SFI1: variants seen among roughly 807,000 people sequenced by gnomAD.
The protein encoded by SFI1 is SFI1 centrin binding protein.
A neutral mutation model predicts 207.5 loss-of-function variants in SFI1; 195 were observed. The ratio of observed to expected loss-of-function variants is 0.94; its 90% CI spans 0.84 to 1.06. The LOEUF is 1.06. Among genes scored for constraint, SFI1 ranks in the 50% least tolerant of loss-of-function variants. The pLI is 0.00. For missense variants in SFI1, 1,634 were observed against 1,588.0 expected (o/e 1.03, Z -0.49); for synonymous variants, 630 against 598.9 (o/e 1.05, Z -0.76).
intron 19 of SFI1, 88 bp downstream of exon 19, chr22:31,604,492 C>T (rs767023927): frequency 2.0e-4 from 240 of 1,179,610 alleles, no homozygotes; most frequent in Middle Eastern, 2.9e-4. Flanking sequence ...TCTTCCTGTC[C>T]GTCCCAGAAC....
At chr22:31,602,823 C>T (rs1407017691) in intron 17 of SFI1, 38 bp downstream of exon 17, 2 of 1,598,718 alleles carry the variant, frequency 1.3e-6, no homozygotes, top group South Asian at 2.2e-5. Context: ...CTTTCCATCA[C>T]AGGCCAGCTT....
chr22:31,561,491 TGA>T (rs2061696242), intron 8 of SFI1, 99 bp downstream of exon 8: 6 of 982,618 alleles, frequency 6.1e-6, no homozygotes, highest in Admixed American at 4.9e-5. Flanking sequence ...GCTCAGGGCC[TGA>T]GAGGGGGTGG....
intron 6 of SFI1, among the ~76,000 whole-genome samples, chr22:31,553,366 G>T (rs2060797852): frequency 1.3e-5 from 2 of 150,880 alleles, no homozygotes; most frequent in African/African-American, 4.9e-5. Context: ...TGGTTGGTTT[G>T]GTTTTTTTTG....
intron 21 of SFI1, among the ~76,000 whole-genome samples, chr22:31,607,331 A>G (rs546337943): frequency 2.0e-5 from 3 of 152,144 alleles, no homozygotes; most frequent in Non-Finnish European, 2.9e-5. Flanking sequence ...GGCCGGGCGC[A>G]GTGGCTCACA....
rs543821936 is a variant in SFI1, at chr22:31,532,178, A to G, written c.338+1049A>G. On this transcript the variant is annotated intron_variant, in intron 4 of 32. Transcript: ENST00000400288. ...CCAAGAGAAGTAATTGAGCTCTTTC[A>G]GGGCACTGGTGAGACTGACAGATTG... Among the ~76,000 whole-genome samples the G allele has an allele frequency of 3.0e-4, 46 of 152,344 alleles. No individual in the cohort carries two copies. The South Asian group carries it at 9.5e-3, about 32-fold the overall frequency.
intron 2 of SFI1, among the ~76,000 whole-genome samples, chr22:31,510,591 G>A (rs1195342206): frequency 2.0e-5 from 3 of 151,778 alleles, no homozygotes; most frequent in Non-Finnish European, 2.9e-5. Flanking sequence ...ATGCCACCAC[G>A]CCTGGCTAAT....
At chr22:31,520,023 C>G (rs1294159272) in intron 2 of SFI1, among the ~76,000 whole-genome samples, 4 of 151,788 alleles carry the variant, frequency 2.6e-5, no homozygotes, top group Admixed American at 1.3e-4. Flanking sequence ...GCCTCAGCCT[C>G]CCAAAGTGCT....
chr22:31,601,501 G>T (rs2068096110), intron 15 of SFI1, among the ~76,000 whole-genome samples: 1 of 152,194 alleles, frequency 6.6e-6, no homozygotes, highest in South Asian at 2.1e-4. Context: ...GACTTGCTCA[G>T]TCAGCCTTAG....
Position 31,613,130 on chromosome 22 carries a change from T to C in SFI1, c.2491-12T>C. On this transcript the variant is annotated splice_polypyrimidine_tract_variant and intron_variant, in intron 24 of 32. Transcript: ENST00000400288. The stretch of plus-strand genomic sequence containing the variant: ...GGGCTATAGGGAAATGATCTGGTCT[T>C]TCTGGCCCTAGCTGGCAGCCAGGAG... The C allele has an allele frequency of 6.2e-7, 1 of 1,612,720 alleles. No individual in the cohort carries two copies. Among genetic ancestry groups the C allele is most frequent in the South Asian group, 1.1e-5 (1 of 91,030 alleles).
At chr22:31,520,578 G>A (rs1004916731) in intron 2 of SFI1, among the ~76,000 whole-genome samples, 1 of 151,874 alleles carries the variant, frequency 6.6e-6, no homozygotes, top group Non-Finnish European at 1.5e-5. Context: ...TTAGTTTGGG[G>A]TATGACTTCT....
chr22:31,508,220 C>T, intron 1 of SFI1, 35 bp from the exon 2 acceptor site: 1 of 1,281,828 alleles, frequency 7.8e-7, no homozygotes, highest in Non-Finnish European at 1.1e-6. Flanking sequence ...GGCTGCAAAT[C>T]ATTTTCTCTC....
chr22:31,605,975 C>T (rs1039966142), intron 20 of SFI1: 3 of 248,988 alleles, frequency 1.2e-5, no homozygotes, highest in African/African-American at 4.4e-5. Context: ...CAAGCTGAGG[C>T]GTAGGCAACC....
Position 31,616,939 on chromosome 22 carries a change from C to G in SFI1, c.3434-61C>G, listed in dbSNP as rs747646485. The G allele has an allele frequency of 3.7e-5, 60 of 1,612,664 alleles. No individual in the cohort carries two copies. In the Middle Eastern group the frequency reaches 8.2e-4, roughly 22 times the overall value. On this transcript the variant is annotated intron_variant, in intron 30 of 32. Coordinates refer to ENST00000400288, the MANE Select transcript of SFI1 (RefSeq NM_001007467.3). ...AGGCCACTCCCGGACCTGGGACTTG[C>G]TATTTACCCTGGTCCCCGAGGGGAA...
chr22:31,540,358 T>C (rs183730190), intron 4 of SFI1, among the ~76,000 whole-genome samples: 1,606 of 151,914 alleles, frequency 0.011, 8 homozygotes, highest in Middle Eastern at 0.031. Flanking sequence ...ATTGACTCAC[T>C]GTAACCTCCA....
chr22:31,546,860 G>C lies in SFI1; in HGVS notation c.339-1G>C. The stretch of plus-strand genomic sequence containing the variant: ...TATATATGATTTTTTTTTTGCCGTA[G>C]ATTTTACTATGAGCAGCGATTACTA... On this transcript the variant is annotated splice_acceptor_variant, in intron 4 of 32. Coordinates refer to ENST00000400288, the MANE Select transcript of SFI1 (RefSeq NM_001007467.3). LOFTEE classifies it high-confidence loss of function. 6.3e-7 allele frequency: 1 copy of C among 1,576,688 alleles called. No individual in the cohort carries two copies. The highest frequency in any genetic ancestry group is 1.2e-5 in the South Asian group (1 of 85,178).
At chr22:31,509,100 T>C (rs567794017) in intron 2 of SFI1, among the ~76,000 whole-genome samples, 1 of 152,346 alleles carries the variant, frequency 6.6e-6, no homozygotes, top group East Asian at 1.9e-4. Context: ...GATTTTTGAA[T>C]GTTAAATCAG....
intron 1 of SFI1, among the ~76,000 whole-genome samples, chr22:31,507,981 C>T (rs1051442746): frequency 6.6e-6 from 1 of 151,972 alleles, no homozygotes; most frequent in African/African-American, 2.4e-5. Flanking sequence ...GAGGTTGAGG[C>T]AGGAGAATCG....
intron 15 of SFI1, among the ~76,000 whole-genome samples, chr22:31,590,306 A>G (rs1403798468): frequency 6.6e-6 from 1 of 152,144 alleles, no homozygotes. Context: ...TGGAGTAGAG[A>G]GAAGTCACAG....
intron 6 of SFI1, among the ~76,000 whole-genome samples, chr22:31,552,369 C>A (rs1021529760): frequency 6.6e-6 from 1 of 152,054 alleles, no homozygotes; most frequent in Non-Finnish European, 1.5e-5. Flanking sequence ...GCTTCTGCCT[C>A]AGCCTCTCAA....
Sources: gnomAD v4.1 joint callset for allele counts (sites outside exome capture counted in the v4.1 genomes callset) on GRCh38, gnomAD v4.1.1 for gene constraint, MANE v1.5 for transcripts, NCBI Gene and HGNC (gene_info 2026-07-23, HGNC 2026-07-21) for gene names.